Variants in HNF4A observed in about 807,000 individuals in gnomAD.
HNF4A encodes hepatocyte nuclear factor 4 alpha.
Under a neutral mutation model 52.4 loss-of-function variants are expected in HNF4A, and 15 were observed. That is an observed-to-expected ratio of 0.29 (90% confidence interval 0.19 to 0.44). The LOEUF is 0.44. Ranked by LOEUF, HNF4A falls within the 20% of genes least tolerant of loss-of-function variation. The pLI is 1.00. For synonymous variants in HNF4A, 280 were observed against 264.4 expected, an observed-to-expected ratio of 1.06 and a Z score of -0.57; for missense variants, 479 against 647.2, an observed-to-expected ratio of 0.74 and a Z score of 2.82.
intron 1 of HNF4A, among the ~76,000 whole-genome samples, chr20:44,384,273 T>G (rs1600667007): frequency 6.6e-6 from 1 of 152,102 alleles, no homozygotes; most frequent in East Asian, 1.9e-4. Flanking sequence ...TCTGTTTATT[T>G]TCTCATTGCT....
At chr20:44,399,121 A>C (rs779574677), upstream of HNF4A, among the ~76,000 whole-genome samples, 1 of 151,968 alleles carries the variant, frequency 6.6e-6, no homozygotes, top group Non-Finnish European at 1.5e-5. Context: ...CACTGCCCCC[A>C]AGGCCGGTGG....
At chr20:44,424,371 G>C in intron 8 of HNF4A, 117 bp downstream of exon 8, 1 of 1,524,088 alleles carries the variant, frequency 6.6e-7, no homozygotes, top group South Asian at 1.2e-5. Context: ...CTTTGGGCAA[G>C]TTGCTTAACC....
Position 44,412,859 on chromosome 20 carries a change from GA to G in HNF4A, c.386-832del, listed in dbSNP as rs1248213005. Among the ~76,000 whole-genome samples, 5 of 152,264 alleles carry G rather than the reference GA, an allele frequency of 3.3e-5. No individual in the cohort carries two copies. In the East Asian group the frequency reaches 9.7e-4, roughly 29 times the overall value. On this transcript the variant is annotated intron_variant, in intron 3 of 9. Coordinates refer to ENST00000316099, the MANE Select transcript of HNF4A (RefSeq NM_000457.6). ...TGGCAGGGAAATGCCTACGGGTAGG[GA>G]AACTGAGCCCCAGAGAGAGGCTGCG...
chr20:44,415,096 A>T (rs1247104892), intron 5 of HNF4A, among the ~76,000 whole-genome samples: 1 of 152,162 alleles, frequency 6.6e-6, no homozygotes, highest in East Asian at 1.9e-4. Flanking sequence ...CTATGGCTCT[A>T]AGACTGGTTG....
Position 44,425,023 on chromosome 20 carries a change from C to G in HNF4A, c.1129+769C>G, listed in dbSNP as rs145340409. On this transcript the variant is annotated intron_variant, in intron 8 of 9. Coordinates refer to ENST00000316099, the MANE Select transcript of HNF4A (RefSeq NM_000457.6). ...TTGAGACAAAGTCTCCCTCAATCAT[C>G]CAGGCTGGAGTGCAGTGGCACAATC... Among the ~76,000 whole-genome samples, 3 of 152,336 alleles carry G rather than the reference C, an allele frequency of 2.0e-5. No homozygotes were observed. In the East Asian group the frequency reaches 5.8e-4, roughly 29 times the overall value.
At chr20:44,368,720 A>G (rs2062999387) in intron 1 of HNF4A, among the ~76,000 whole-genome samples, 1 of 152,224 alleles carries the variant, frequency 6.6e-6, no homozygotes, top group Non-Finnish European at 1.5e-5. Flanking sequence ...GTTACAGTGA[A>G]GATTAATTGA....
rs2063880794 is a variant in HNF4A, at chr20:44,431,785, G to A, written c.*2120G>A. The A allele has an allele frequency of 6.6e-6, 1 of 152,312 alleles. No homozygotes were observed. The highest frequency in any genetic ancestry group is 1.9e-4 in the East Asian group (1 of 5,202). The allele number at this position is 152,312 out of a possible 1,614,324, so 9.4% of individuals were successfully genotyped here. A position where few individuals can be genotyped will look rare whatever the true frequency, so the allele number is the denominator to read the frequency against. Reference sequence around the variant, plus strand: ...CAACACTGACCCCTCTGAGTGGTTGGAGGCAGTGCCCCAGTGCCCAGAAAT... The same window carrying A: ...CAACACTGACCCCTCTGAGTGGTTGAAGGCAGTGCCCCAGTGCCCAGAAAT... On this transcript the variant is annotated 3_prime_UTR_variant, in exon 10 of 10. Coordinates refer to ENST00000316099, the MANE Select transcript of HNF4A (RefSeq NM_000457.6).
upstream of HNF4A, among the ~76,000 whole-genome samples, chr20:44,398,787 G>C (rs557208990): frequency 1.2e-4 from 18 of 152,170 alleles, no homozygotes; most frequent in Admixed American, 6.6e-4. Flanking sequence ...GCATGGTGTG[G>C]TTGATCTTGG....
chr20:44,358,546 GT>G (rs1435826586), intron 1 of HNF4A, among the ~76,000 whole-genome samples: 1 of 152,160 alleles, frequency 6.6e-6, no homozygotes, highest in Non-Finnish European at 1.5e-5. Context: ...GGAGGTAGAG[GT>G]TGCATTAAGC....
At chr20:44,418,612 G>T in intron 6 of HNF4A, 100 bp downstream of exon 6, 2 of 913,760 alleles carry the variant, frequency 2.2e-6, no homozygotes, top group East Asian at 2.4e-5. Flanking sequence ...GCAAGGGTGA[G>T]GGAGACTAGT....
intron 1 of HNF4A, among the ~76,000 whole-genome samples, chr20:44,365,793 C>A (rs1230367858): frequency 6.6e-6 from 1 of 152,010 alleles, no homozygotes; most frequent in African/African-American, 2.4e-5. Flanking sequence ...AATCACTTGA[C>A]CCCAGGAGTT....
intron 1 of HNF4A, among the ~76,000 whole-genome samples, chr20:44,386,143 GC>G (rs1250644481): frequency 2.0e-5 from 3 of 148,472 alleles, no homozygotes; most frequent in Non-Finnish European, 4.4e-5. Flanking sequence ...GAGCCACCGT[GC>G]CCAGCCACCA....
intron 1 of HNF4A, among the ~76,000 whole-genome samples, chr20:44,388,312 A>G (rs1339395717): frequency 2.1e-5 from 3 of 145,306 alleles, no homozygotes; most frequent in Non-Finnish European, 4.4e-5. Flanking sequence ...TACATGCCCC[A>G]TACATGCTAA....
intron 1 of HNF4A, among the ~76,000 whole-genome samples, chr20:44,357,943 A>G (rs2062875843): frequency 6.6e-6 from 1 of 151,756 alleles, no homozygotes; most frequent in Non-Finnish European, 1.5e-5. Context: ...ATGGCTGGAC[A>G]GAGAAAGGAG....
chr20:44,402,336 T>C (rs907452608), intron 1 of HNF4A, among the ~76,000 whole-genome samples: 5 of 152,156 alleles, frequency 3.3e-5, no homozygotes, highest in African/African-American at 9.7e-5. Flanking sequence ...TGCGGACCTG[T>C]TGGAGTGCCC....
intron 1 of HNF4A, among the ~76,000 whole-genome samples, chr20:44,394,741 AGGCCAGC>A (rs2063337822): frequency 6.6e-6 from 1 of 152,218 alleles, no homozygotes; most frequent in Non-Finnish European, 1.5e-5. Context: ...ATGCGTTGGG[AGGCCAGC>A]GGCCTCTTGC....
At chr20:44,402,592 C>G in intron 1 of HNF4A, 3 of 1,365,970 alleles carry the variant, frequency 2.2e-6, no homozygotes, top group Non-Finnish European at 2.9e-6. Flanking sequence ...TGAGGCATCC[C>G]CTCCGACATC....
intron 3 of HNF4A, among the ~76,000 whole-genome samples, chr20:44,410,449 A>G (rs1276910261): frequency 1.3e-5 from 2 of 151,764 alleles, no homozygotes; most frequent in Non-Finnish European, 2.9e-5. Context: ...AGCCATAGGA[A>G]ATGAGGGTAT....
rs145284604 is a variant in HNF4A, at chr20:44,428,208, G to A, written c.1130-127G>A. The stretch of plus-strand genomic sequence containing the variant: ...ACCCTAGTTTACTAACCCAGGAATA[G>A]GTACCCAACAGGCACTGCCAATATT... On this transcript the variant is annotated intron_variant, in intron 8 of 9. Transcript: ENST00000316099. 1.6e-3 allele frequency: 1,447 copies of A among 930,852 alleles called. 3 individuals are homozygous for A. Among genetic ancestry groups the A allele is most frequent in the Non-Finnish European group, 1.9e-3 (1,115 of 573,508 alleles). The allele number at this position is 930,852 out of a possible 1,614,324, so 57.7% of individuals were successfully genotyped here.
Sources: gnomAD v4.1 joint callset for allele counts (sites outside exome capture counted in the v4.1 genomes callset) on GRCh38, gnomAD v4.1.1 for gene constraint, MANE v1.5 for transcripts, NCBI Gene and HGNC (gene_info 2026-07-23, HGNC 2026-07-21) for gene names.